Variants in KCNIP4 observed in about 807,000 individuals in gnomAD.
KCNIP4 encodes the protein Kv channel-interacting protein 4.
KCNIP4 carries 12 observed loss-of-function variants against 34.0 expected under a neutral mutation model. That is an observed-to-expected ratio of 0.35 (90% CI 0.23 to 0.57). KCNIP4 has a LOEUF of 0.57. Among genes scored for constraint, KCNIP4 ranks in the 20% least tolerant of loss-of-function variants. The pLI is 0.83. For missense variants in KCNIP4, 238 were observed against 311.7 expected, an observed-to-expected ratio of 0.76 and a Z score of 1.78; for synonymous variants, 124 against 102.2, an observed-to-expected ratio of 1.21 and a Z score of -1.29.
intron 3 of KCNIP4, among the ~76,000 whole-genome samples, chr4:20,760,857 G>A (rs1383497275): frequency 6.6e-6 from 1 of 152,172 alleles, no homozygotes; most frequent in Non-Finnish European, 1.5e-5. Context: ...AAGCAAGCAA[G>A]CAAGTGAACT....
At chr4:21,474,791 T>C (rs1388723951) in intron 1 of KCNIP4, among the ~76,000 whole-genome samples, 2 of 151,988 alleles carry the variant, frequency 1.3e-5, no homozygotes, top group African/African-American at 4.8e-5. Flanking sequence ...GGTCAGCAGT[T>C]TGAGACCAGC....
intron 1 of KCNIP4, among the ~76,000 whole-genome samples, chr4:21,606,584 G>A (rs1277024268): frequency 6.6e-6 from 1 of 151,932 alleles, no homozygotes; most frequent in Non-Finnish European, 1.5e-5. Context: ...TTGTTTGTTT[G>A]TTTGTTTGTT....
intron 1 of KCNIP4, among the ~76,000 whole-genome samples, chr4:21,909,177 C>T (rs1286877354): frequency 1.3e-5 from 2 of 152,110 alleles, no homozygotes; most frequent in African/African-American, 4.8e-5. Context: ...AAATAATACA[C>T]TTTATCATTA....
At chr4:20,921,810 A>G (rs1189629582) in intron 1 of KCNIP4, among the ~76,000 whole-genome samples, 2 of 152,226 alleles carry the variant, frequency 1.3e-5, no homozygotes, top group Non-Finnish European at 2.9e-5. Flanking sequence ...AAAAACAACT[A>G]TTAATAAGTC....
Position 21,369,189 on chromosome 4 carries a change from C to T in KCNIP4, c.62-486480G>A, listed in dbSNP as rs756653088. 6.8e-5 allele frequency among the ~76,000 whole-genome samples: 10 copies of T among 147,042 alleles called. 1 individual carries two copies. The highest frequency in any genetic ancestry group is 3.2e-3 in the Middle Eastern group (1 of 316). On this transcript the variant is annotated intron_variant, in intron 1 of 8. Transcript: ENST00000382152. ...CTTAATGGTAGTGTTATGAGAATTACGTTTATAGACTTCTAGGCACAGTAT... is the reference window on the plus strand; with the variant it reads ...CTTAATGGTAGTGTTATGAGAATTATGTTTATAGACTTCTAGGCACAGTAT...
chr4:20,788,225 G>T lies in KCNIP4; in HGVS notation c.289-29335C>A, dbSNP rs1297823959. Among the ~76,000 whole-genome samples the T allele has an allele frequency of 2.0e-5, 3 of 152,252 alleles. No individual in the cohort carries two copies. In the East Asian group the frequency reaches 5.8e-4, roughly 29 times the overall value. ...TTAATTAAGGAACTCTAAACTACAA[G>T]ACACCAAGGAACAGATGTTCAGATA... is the stretch of plus-strand genomic sequence containing the variant. On this transcript the variant is annotated intron_variant, in intron 3 of 8. Transcript: ENST00000382152.
At chr4:21,468,376 C>T (rs1040796131) in intron 1 of KCNIP4, among the ~76,000 whole-genome samples, 1 of 152,120 alleles carries the variant, frequency 6.6e-6, no homozygotes, top group Non-Finnish European at 1.5e-5. Context: ...AAGGTACTGC[C>T]TCGGTACCGG....
intron 1 of KCNIP4, among the ~76,000 whole-genome samples, chr4:21,056,695 T>C (rs1468296660): frequency 1.3e-5 from 2 of 152,106 alleles, no homozygotes; most frequent in Admixed American, 1.3e-4. Context: ...TCAAGAAGGC[T>C]ATTATAAACC....
intron 2 of KCNIP4, among the ~76,000 whole-genome samples, chr4:20,861,697 A>G (rs1722211455): frequency 6.6e-6 from 1 of 152,168 alleles, no homozygotes; most frequent in Non-Finnish European, 1.5e-5. Flanking sequence ...ACTTGTTGGC[A>G]ATGACATTGC....
chr4:21,502,648 CT>C (rs774878233), intron 1 of KCNIP4, among the ~76,000 whole-genome samples: 122 of 152,218 alleles, frequency 8.0e-4, no homozygotes, highest in Non-Finnish European at 1.4e-3. Flanking sequence ...AATGTTGTTA[CT>C]TCTTGTCTCC....
rs771840271 is a variant in KCNIP4 at position 21,796,473 on chromosome 4, T to C, written c.61+152098A>G. 2.2e-4 allele frequency among the ~76,000 whole-genome samples: 34 copies of C among 152,200 alleles called. 1 individual carries two copies. Among genetic ancestry groups the C allele is most frequent in the Non-Finnish European group, 3.7e-4 (25 of 68,034 alleles). ...TCTGGCATCTCAAAATCCAGGACTC[T>C]CTCTGGTCATATAGACACACATCTT... On this transcript the variant is annotated intron_variant, in intron 1 of 8. Transcript: ENST00000382152.
Position 20,828,178 on chromosome 4 carries a change from C to A in KCNIP4, c.288+22365G>T, listed in dbSNP as rs184282351. Among the ~76,000 whole-genome samples, 477 of 152,300 alleles carry A rather than the reference C, an allele frequency of 3.1e-3. 3 individuals carry two copies. Among genetic ancestry groups the A allele is most frequent in the Non-Finnish European group, 5.7e-3 (389 of 68,012 alleles). On this transcript the variant is annotated intron_variant, in intron 3 of 8. Coordinates refer to ENST00000382152, the MANE Select transcript of KCNIP4 (RefSeq NM_025221.6). ...GCGCGGTGGCTCAAGCCTGTAATCCCAGCACTTTGGGAGGCCGAGGCGGGT... is the reference window on the plus strand; with the variant it reads ...GCGCGGTGGCTCAAGCCTGTAATCCAAGCACTTTGGGAGGCCGAGGCGGGT...
At chr4:21,280,404 G>A (rs1285024009) in intron 1 of KCNIP4, among the ~76,000 whole-genome samples, 4 of 152,024 alleles carry the variant, frequency 2.6e-5, no homozygotes, top group Admixed American at 6.6e-5. Flanking sequence ...ACACATAGCA[G>A]GCACTTTGTA....
At chr4:21,773,748 T>TTG (rs1560704068) in intron 1 of KCNIP4, among the ~76,000 whole-genome samples, 1 of 139,206 alleles carries the variant, frequency 7.2e-6, no homozygotes, top group African/African-American at 2.9e-5. Context: ...TTTTGTTGTT[T>TTG]TTTTTTTTTT....
intron 1 of KCNIP4, among the ~76,000 whole-genome samples, chr4:21,913,486 C>T (rs1399471017): frequency 1.3e-5 from 2 of 151,888 alleles, no homozygotes; most frequent in Non-Finnish European, 2.9e-5. Context: ...TCACAAGCAA[C>T]CTCTCTGATC....
At chr4:21,496,786 C>A (rs568534968) in intron 1 of KCNIP4, among the ~76,000 whole-genome samples, 20 of 152,240 alleles carry the variant, frequency 1.3e-4, no homozygotes, top group African/African-American at 4.6e-4. Context: ...GGAGTGTGAA[C>A]CCTGTTGTGA....
intron 3 of KCNIP4, among the ~76,000 whole-genome samples, chr4:20,823,429 G>A (rs932234574): frequency 6.6e-6 from 1 of 152,098 alleles, no homozygotes; most frequent in African/African-American, 2.4e-5. Context: ...GAGTGTGTGT[G>A]TCCCCTAACA....
chr4:21,409,583 T>C (rs1238462696), intron 1 of KCNIP4, among the ~76,000 whole-genome samples: 1 of 152,226 alleles, frequency 6.6e-6, no homozygotes, highest in African/African-American at 2.4e-5. Flanking sequence ...AGAAATGTTA[T>C]ATTGAAGACA....
intron 1 of KCNIP4, among the ~76,000 whole-genome samples, chr4:21,199,295 G>T (rs1461952787): frequency 6.6e-6 from 1 of 152,114 alleles, no homozygotes; most frequent in Non-Finnish European, 1.5e-5. Context: ...TCTCATTGTG[G>T]TTTTGATTTG....
Sources: gnomAD v4.1 joint callset for allele counts (sites outside exome capture counted in the v4.1 genomes callset) on GRCh38, gnomAD v4.1.1 for gene constraint, MANE v1.5 for transcripts, NCBI Gene and HGNC (gene_info 2026-07-23, HGNC 2026-07-21) for gene names.